MACROD2: variants seen among roughly 807,000 people sequenced by gnomAD.
MACROD2 encodes the protein mono-ADP ribosylhydrolase 2, also known as ADP-ribose glycohydrolase MACROD2.
Under a neutral mutation model 70.4 loss-of-function variants are expected in MACROD2, and 36 were observed. The ratio of observed to expected loss-of-function variants is 0.51; its 90% confidence interval spans 0.39 to 0.68. The LOEUF (loss-of-function observed/expected upper bound fraction) is 0.68, where lower values mean the gene tolerates loss of function less well. MACROD2 is among the 30% of genes least tolerant of loss of function. The probability of loss-of-function intolerance (pLI) is 0.00; values close to 1 mark genes in which losing one functional copy is unlikely to be tolerated. For synonymous variants in MACROD2, 172 were observed against 178.8 expected (o/e 0.96, Z 0.30); for missense variants, 496 against 538.4 (o/e 0.92, Z 0.78).
chr20:14,721,958 A>G (rs1455087995), intron 5 of MACROD2, among the ~76,000 whole-genome samples: 3 of 152,158 alleles, frequency 2.0e-5, no homozygotes, highest in African/African-American at 4.8e-5. Context: ...CTAGAATTCT[A>G]TGTTGGAAAA....
chr20:14,508,593 A>G (rs2084995026), intron 4 of MACROD2, among the ~76,000 whole-genome samples: 1 of 152,236 alleles, frequency 6.6e-6, no homozygotes, highest in Admixed American at 6.5e-5. Context: ...TCAGAAAATT[A>G]CAAGGCAAGC....
At chr20:14,437,793 G>A (rs895829135) in intron 3 of MACROD2, among the ~76,000 whole-genome samples, 1 of 152,192 alleles carries the variant, frequency 6.6e-6, no homozygotes, top group African/African-American at 2.4e-5. Context: ...AAAATTGTTT[G>A]AAGTGTTGCC....
At chr20:14,411,680 T>G (rs936722087) in intron 3 of MACROD2, among the ~76,000 whole-genome samples, 5 of 152,180 alleles carry the variant, frequency 3.3e-5, no homozygotes, top group African/African-American at 1.2e-4. Context: ...GCTGCTCATA[T>G]GAGCCCCAAG....
intron 15 of MACROD2, among the ~76,000 whole-genome samples, chr20:15,997,970 C>T (rs1601297399): frequency 6.6e-6 from 1 of 152,098 alleles, no homozygotes; most frequent in East Asian, 1.9e-4. Flanking sequence ...GATTTTCATC[C>T]TTCATTTTGT....
intron 3 of MACROD2, among the ~76,000 whole-genome samples, chr20:14,319,669 C>T (rs1024893395): frequency 2.6e-5 from 4 of 152,194 alleles, no homozygotes; most frequent in Non-Finnish European, 5.9e-5. Context: ...GTGACCTCTT[C>T]TATGTCTTTA....
intron 10 of MACROD2, among the ~76,000 whole-genome samples, chr20:15,891,528 G>A (rs1177124719): frequency 6.6e-6 from 1 of 152,162 alleles, no homozygotes; most frequent in Non-Finnish European, 1.5e-5. Flanking sequence ...AGATTAGAAG[G>A]CTAGAGGGTT....
chr20:14,860,360 T>A (rs1261646300), intron 5 of MACROD2, among the ~76,000 whole-genome samples: 1 of 151,600 alleles, frequency 6.6e-6, no homozygotes, highest in African/African-American at 2.4e-5. Flanking sequence ...TTTTTTTGGA[T>A]AAGCAAAGCA....
chr20:14,386,440 A>G lies in MACROD2; in HGVS notation c.272-107039A>G, dbSNP rs567959698. ...AATATCATTTTAAAATGTAATCCCC[A>G]GTCTTGGAGATGGGACATGATGGGA... On this transcript the variant is annotated intron_variant, in intron 3 of 17. Transcript: ENST00000684519. 3.3e-5 allele frequency among the ~76,000 whole-genome samples: 5 copies of G among 152,330 alleles called. No homozygotes were observed. The South Asian group carries it at 1.0e-3, about 32-fold the overall frequency.
At chr20:15,033,345 C>T (rs1430430820) in intron 5 of MACROD2, among the ~76,000 whole-genome samples, 1 of 152,118 alleles carries the variant, frequency 6.6e-6, no homozygotes, top group Admixed American at 6.5e-5. Flanking sequence ...GCTATCCTTT[C>T]CCGTGGTGAG....
chr20:15,394,691 CAG>C (rs907101919), intron 6 of MACROD2, among the ~76,000 whole-genome samples: 1 of 152,192 alleles, frequency 6.6e-6, no homozygotes, highest in Non-Finnish European at 1.5e-5. Context: ...CTCTCATTCA[CAG>C]AGCATTACAC....
At chr20:15,203,493 A>C (rs1280768830) in intron 5 of MACROD2, among the ~76,000 whole-genome samples, 2 of 152,158 alleles carry the variant, frequency 1.3e-5, no homozygotes, top group Non-Finnish European at 2.9e-5. Flanking sequence ...TAAATTGAGC[A>C]TGAGAAATAT....
At chr20:15,732,095 G>A (rs2050952521) in intron 8 of MACROD2, among the ~76,000 whole-genome samples, 1 of 150,230 alleles carries the variant, frequency 6.7e-6, no homozygotes, top group Non-Finnish European at 1.5e-5. Context: ...ACCACTTGTG[G>A]AACACAGGTG....
intron 8 of MACROD2, among the ~76,000 whole-genome samples, chr20:15,825,428 A>G (rs931178456): frequency 2.0e-5 from 3 of 151,908 alleles, no homozygotes; most frequent in Non-Finnish European, 4.4e-5. Flanking sequence ...TTACATTGAG[A>G]CCCATTGAGA....
chr20:15,742,045 T>C (rs1166870862), intron 8 of MACROD2, among the ~76,000 whole-genome samples: 1 of 152,180 alleles, frequency 6.6e-6, no homozygotes, highest in Admixed American at 6.5e-5. Context: ...GGCCCCACAA[T>C]ACAGACGGCA....
In MACROD2 at chr20:14,987,572, T is replaced by C. The variant is rs183796965; in HGVS notation, c.419-242368T>C. 1.3e-3 allele frequency among the ~76,000 whole-genome samples: 197 copies of C among 152,304 alleles called. 1 individual carries two copies. The highest frequency in any genetic ancestry group is 4.5e-3 in the African/African-American group (187 of 41,568). ...TCTGAAGTGATTTTTGAAAGTACAC[T>C]GAGCGGAGTAGATCCTGTTGAATAT... is the stretch of plus-strand genomic sequence containing the variant. On this transcript the variant is annotated intron_variant, in intron 5 of 17. Coordinates refer to ENST00000684519, the MANE Select transcript of MACROD2 (RefSeq NM_001351661.2).
chr20:14,620,231 C>T (rs4813164), intron 4 of MACROD2, among the ~76,000 whole-genome samples: 122,203 of 151,826 alleles, frequency 0.8, 50,026 homozygotes, highest in East Asian at 1. Flanking sequence ...CAAAATCTAG[C>T]GTGCAGTTTG....
At chr20:14,313,719 T>C (rs2082588380) in intron 3 of MACROD2, among the ~76,000 whole-genome samples, 1 of 152,194 alleles carries the variant, frequency 6.6e-6, no homozygotes, top group South Asian at 2.1e-4. Flanking sequence ...TGAAGAAATA[T>C]GTTAACTAAG....
chr20:14,610,929 A>T (rs1386790738), intron 4 of MACROD2, among the ~76,000 whole-genome samples: 3 of 152,140 alleles, frequency 2.0e-5, no homozygotes, highest in African/African-American at 7.2e-5. Context: ...AAGACAAGGT[A>T]CAGTTAATTC....
chr20:16,052,329 T>C lies in MACROD2; in HGVS notation c.*2453T>C, dbSNP rs932494582. ...AACCTTTATTTGCTGGTGCTGCCAT[T>C]GCACAGGCTGTACAATGAAATAGAT... On this transcript the variant is annotated 3_prime_UTR_variant, in exon 18 of 18. Coordinates refer to ENST00000684519, the MANE Select transcript of MACROD2 (RefSeq NM_001351661.2). 2 of 152,196 alleles carry C rather than the reference T, an allele frequency of 1.3e-5. No homozygotes were observed. Among genetic ancestry groups the C allele is most frequent in the African/African-American group, 4.8e-5 (2 of 41,456 alleles). 9.4% of individuals were successfully genotyped at this position (152,196 alleles called of 1,614,324 possible).
Sources: gnomAD v4.1 joint callset for allele counts (sites outside exome capture counted in the v4.1 genomes callset) on GRCh38, gnomAD v4.1.1 for gene constraint, MANE v1.5 for transcripts, NCBI Gene and HGNC (gene_info 2026-07-23, HGNC 2026-07-21) for gene names.